Variants in BMAL2 observed in about 807,000 individuals in gnomAD.
BMAL2 encodes the protein basic helix-loop-helix ARNT like 2, also known as basic helix-loop-helix ARNT-like protein 2.
chr12:27,341,032 A>G, the BMAL2 span, among the ~76,000 whole-genome samples: 4,465 of 152,260 alleles, frequency 0.029, 89 homozygotes, highest in South Asian at 0.09. Flanking sequence ...TTTTCTAGAT[A>G]CAGAATCATG....
the BMAL2 span, among the ~76,000 whole-genome samples, chr12:27,343,586 A>G: frequency 1.3e-5 from 2 of 152,168 alleles, no homozygotes; most frequent in South Asian, 4.1e-4. Context: ...CTCGGTGTAG[A>G]CCATCCAAAT....
the BMAL2 span, among the ~76,000 whole-genome samples, chr12:27,410,720 A>G: frequency 6.6e-5 from 10 of 152,218 alleles, no homozygotes; most frequent in Non-Finnish European, 1.3e-4. Flanking sequence ...TGTTGTGTAC[A>G]TGTACCCTAA....
the BMAL2 span, among the ~76,000 whole-genome samples, chr12:27,358,994 G>A: frequency 7.0e-6 from 1 of 142,344 alleles, no homozygotes; most frequent in Non-Finnish European, 1.5e-5. Flanking sequence ...TTAAAGTAAT[G>A]TGTCAATGGT....
the BMAL2 span, among the ~76,000 whole-genome samples, chr12:27,348,763 A>G: frequency 1.3e-5 from 2 of 152,226 alleles, no homozygotes; most frequent in Non-Finnish European, 2.9e-5. Context: ...TTCCTCAATT[A>G]TTGAGTGTGG....
the BMAL2 span, among the ~76,000 whole-genome samples, chr12:27,357,420 T>C: frequency 6.6e-6 from 1 of 152,134 alleles, no homozygotes; most frequent in Non-Finnish European, 1.5e-5. Flanking sequence ...AGAATCAATA[T>C]TGTGAAAATG....
chr12:27,359,916 T>C, the BMAL2 span, among the ~76,000 whole-genome samples: 3 of 147,970 alleles, frequency 2.0e-5, no homozygotes, highest in Non-Finnish European at 4.5e-5. Flanking sequence ...TAGCTGGGTG[T>C]GGTGGGTGTG....
At chr12:27,390,768 A>G in the BMAL2 span, among the ~76,000 whole-genome samples, 8 of 152,140 alleles carry the variant, frequency 5.3e-5, no homozygotes, top group East Asian at 1.3e-3. Flanking sequence ...TTAAATAGTC[A>G]TCTATTTAAC....
the BMAL2 span, among the ~76,000 whole-genome samples, chr12:27,364,162 G>A: frequency 6.6e-6 from 1 of 152,058 alleles, no homozygotes; most frequent in Non-Finnish European, 1.5e-5. Flanking sequence ...CACTAATCCT[G>A]TCTATGAGGG....
At chr12:27,335,199 T>G in the BMAL2 span, among the ~76,000 whole-genome samples, 2 of 146,462 alleles carry the variant, frequency 1.4e-5, no homozygotes, top group Non-Finnish European at 3.0e-5. Flanking sequence ...AGGTTTTGTT[T>G]TGCTTTGTTT....
At chr12:27,384,122 T>G in the BMAL2 span, among the ~76,000 whole-genome samples, 14 of 151,366 alleles carry the variant, frequency 9.2e-5, no homozygotes, top group South Asian at 8.3e-4. Context: ...AAAATTGACT[T>G]ACTTCTGAAT....
the BMAL2 span, among the ~76,000 whole-genome samples, chr12:27,357,714 A>G: frequency 6.6e-6 from 1 of 152,138 alleles, no homozygotes; most frequent in Non-Finnish European, 1.5e-5. Flanking sequence ...AATAAAGCCA[A>G]ATATTTACAG....
At chr12:27,408,896 T>C in the BMAL2 span, among the ~76,000 whole-genome samples, 1 of 152,124 alleles carries the variant, frequency 6.6e-6, no homozygotes, top group African/African-American at 2.4e-5. Context: ...TTCAGCAAAG[T>C]CTCAGGATAC....
chr12:27,383,394 T>C, the BMAL2 span, among the ~76,000 whole-genome samples: 1 of 152,130 alleles, frequency 6.6e-6, no homozygotes, highest in Admixed American at 6.5e-5. Context: ...TAAGTGATCA[T>C]GTTGCCTCGT....
the BMAL2 span, among the ~76,000 whole-genome samples, chr12:27,420,169 G>A: frequency 6.6e-6 from 1 of 152,078 alleles, no homozygotes; most frequent in Admixed American, 6.6e-5. Context: ...GATGAATTAG[G>A]TGCAATTTAT....
the BMAL2 span, chr12:27,377,534 T>C: frequency 6.6e-6 from 1 of 152,214 alleles, no homozygotes; most frequent in Non-Finnish European, 1.5e-5. Flanking sequence ...TGGGGAATAC[T>C]GTTAGAAGAG....
At chr12:27,400,970 T>G in the BMAL2 span, among the ~76,000 whole-genome samples, 10,747 of 152,232 alleles carry the variant, frequency 0.071, 445 homozygotes, top group East Asian at 0.12. Context: ...AGAGTGTCTC[T>G]TAGCCAGTGG....
chr12:27,369,012 C>T, the BMAL2 span, among the ~76,000 whole-genome samples: 7 of 152,310 alleles, frequency 4.6e-5, no homozygotes, highest in African/African-American at 1.4e-4. Flanking sequence ...CAGTGGCACA[C>T]GCCTGCAGTA....
chr12:27,370,328 C>A, the BMAL2 span: 1 of 852,722 alleles, frequency 1.2e-6, no homozygotes, highest in South Asian at 1.5e-5. Context: ...ATTTGCTCAT[C>A]ATCTATCCCA....
the BMAL2 span, chr12:27,389,128 T>A: frequency 4.9e-6 from 6 of 1,223,612 alleles, no homozygotes; most frequent in African/African-American, 6.1e-5. Context: ...CATCAAGAAA[T>A]GTAGAAAAAG....
Sources: gnomAD v4.1 joint callset for allele counts (sites outside exome capture counted in the v4.1 genomes callset) on GRCh38, gnomAD v4.1.1 for gene constraint, MANE v1.5 for transcripts, NCBI Gene and HGNC (gene_info 2026-07-23, HGNC 2026-07-21) for gene names.